Variants in ICE2 observed in about 807,000 individuals in gnomAD.
The protein encoded by ICE2 is interactor of little elongation complex ELL subunit 2.
In ICE2, 87 loss-of-function variants were observed where a neutral mutation model predicts 105.4. The observed-to-expected ratio is 0.83, with a 90% CI of 0.69 to 0.99. The LOEUF is 0.99. Among genes scored for constraint, ICE2 ranks in the 50% least tolerant of loss-of-function variants. ICE2 has a pLI of 0.00. For missense variants in ICE2, 1,323 were observed against 1,146.7 expected (o/e 1.15, Z -2.22); for synonymous variants, 399 against 392.0 (o/e 1.02, Z -0.21).
At chr15:60,470,651 T>C (rs1349508204) in intron 3 of ICE2, among the ~76,000 whole-genome samples, 3 of 152,216 alleles carry the variant, frequency 2.0e-5, no homozygotes, top group Non-Finnish European at 2.9e-5. Flanking sequence ...ATTTTTCCTA[T>C]GATTATTTTA....
In ICE2 at chr15:60,442,658, A is replaced by G. The variant is rs528350511; in HGVS notation, c.2296-113T>C. 3.9e-6 allele frequency: 3 copies of G among 761,802 alleles called. No individual in the cohort carries two copies. In the African/African-American group the frequency reaches 5.3e-5, roughly 13 times the overall value. The allele number at this position is 761,802 out of a possible 1,614,324, so 47.2% of individuals were successfully genotyped here. On this transcript the variant is annotated intron_variant, in intron 11 of 15. Transcript: ENST00000261520. ...AAATGCTTTCAGGTAATCTTATTTC[A>G]TCCTTTCAATTACAGCAGGATTCAC...
chr15:60,428,063 G>C (rs2063376001), intron 15 of ICE2, among the ~76,000 whole-genome samples: 1 of 151,848 alleles, frequency 6.6e-6, no homozygotes, highest in Non-Finnish European at 1.5e-5. Flanking sequence ...TCCGCAAATT[G>C]CCTAAAATAC....
In ICE2 at chr15:60,442,411, C is replaced by T. The variant is rs2063737563; in HGVS notation, c.2425+5G>A. On this transcript the variant is annotated splice_donor_5th_base_variant and intron_variant, in intron 12 of 15. Transcript: ENST00000261520. ...AAGGAGAATAAAGACTTTTGTATAA[C>T]TTACCAACATAAAATGAGCTGTTGG... 3 of 1,577,622 alleles carry T rather than the reference C, an allele frequency of 1.9e-6. No individual in the cohort carries two copies. Among genetic ancestry groups the T allele is most frequent in the Non-Finnish European group, 2.6e-6 (3 of 1,171,720 alleles).
chr15:60,466,713 C>A lies in ICE2; in HGVS notation c.409G>T (p.Asp137Tyr), dbSNP rs765404758. The stretch of plus-strand genomic sequence containing the variant: ...TCTTCGTTCACATGTTTTTTCATAT[C>A]CTGATTTTTAAAAAAGTAGACATGT... ...INKNDYLQYL[D>Y]MKKHVNEEVT... Residue 137 changes from aspartate (D) to tyrosine (Y), a missense_variant and splice_region_variant, in exon 5 of 16, where the codon GAT (aspartate) becomes TAT (tyrosine). Physicochemically the swap from Asp to Tyr is radical, Grantham distance 160. Coordinates refer to ENST00000261520, the MANE Select transcript of ICE2 (RefSeq NM_024611.6). 2.5e-6 allele frequency: 4 copies of A among 1,593,762 alleles called. No individual in the cohort carries two copies. The highest frequency in any genetic ancestry group is 3.4e-6 in the Non-Finnish European group (4 of 1,173,808).
chr15:60,432,249 G>A (rs985490465), intron 13 of ICE2, among the ~76,000 whole-genome samples: 26 of 144,202 alleles, frequency 1.8e-4, no homozygotes, highest in African/African-American at 3.7e-4. Context: ...GTGCAGTGGC[G>A]CAATCTCTGC....
intron 13 of ICE2, among the ~76,000 whole-genome samples, chr15:60,434,038 A>C (rs1279222714): frequency 6.6e-6 from 1 of 152,134 alleles, no homozygotes; most frequent in African/African-American, 2.4e-5. Flanking sequence ...ACCATTTCTT[A>C]CCCTAAGTGG....
In ICE2 at chr15:60,466,581, G is replaced by A; in HGVS notation, c.528+13C>T. On this transcript the variant is annotated intron_variant, in intron 5 of 15. Transcript: ENST00000261520. Reference sequence around the variant, plus strand: ...CACTTCGCAATTTACACAAATGTGAGTTGTTTTTTTACCTCTGTGAAGAGA... The same window carrying A: ...CACTTCGCAATTTACACAAATGTGAATTGTTTTTTTACCTCTGTGAAGAGA... The A allele has an allele frequency of 3.1e-6, 5 of 1,608,528 alleles. No individual in the cohort carries two copies. In the Admixed American group the frequency reaches 8.5e-5, roughly 27 times the overall value.
intron 1 of ICE2, chr15:60,478,741 C>T (rs1399955666): frequency 2.9e-6 from 1 of 348,860 alleles, no homozygotes; most frequent in East Asian, 7.8e-5. Context: ...ACACTTCGAC[C>T]CAGTGTGGAG....
At chr15:60,470,796 AATT>A (rs1371060151) in intron 3 of ICE2, among the ~76,000 whole-genome samples, 9 of 152,158 alleles carry the variant, frequency 5.9e-5, no homozygotes, top group African/African-American at 2.2e-4. Context: ...TTAAAAAATA[AATT>A]ATTTCACACT....
chr15:60,447,784 T>C, intron 11 of ICE2, 186 bp downstream of exon 11: 1 of 492,644 alleles, frequency 2.0e-6, no homozygotes, highest in Middle Eastern at 4.4e-4. Flanking sequence ...ATGGCTACTA[T>C]ATACAAACAC....
chr15:60,431,080 G>A (rs1419890251), intron 14 of ICE2, among the ~76,000 whole-genome samples: 1 of 151,974 alleles, frequency 6.6e-6, no homozygotes, highest in Non-Finnish European at 1.5e-5. Flanking sequence ...CACCATGTTG[G>A]CCAGGATGGT....
At position 60,454,032 on chromosome 15, in the gene ICE2, A is replaced by G. The variant is rs1401520682; in HGVS notation, c.944-248T>C. Among the ~76,000 whole-genome samples the G allele has an allele frequency of 2.0e-5, 3 of 152,188 alleles. No individual in the cohort carries two copies. The South Asian group carries it at 6.2e-4, about 31-fold the overall frequency. On this transcript the variant is annotated intron_variant, in intron 8 of 15. Transcript: ENST00000261520. Reference sequence around the variant, plus strand: ...GTTTAAAAAGGATTTTCTGGTTTTTACTATTATATTCTTACTGTCATTATT... The same window carrying G: ...GTTTAAAAAGGATTTTCTGGTTTTTGCTATTATATTCTTACTGTCATTATT...
Position 60,445,578 on chromosome 15 carries a change from T to G in ICE2, c.2295+2392A>C, listed in dbSNP as rs541331766. On this transcript the variant is annotated intron_variant, in intron 11 of 15. Coordinates refer to ENST00000261520, the MANE Select transcript of ICE2 (RefSeq NM_024611.6). ...AAATATAAGCCTTCTATTTAGACAG[T>G]CTTTAGGGTGTGACTATTTTGACAT... The G allele has an allele frequency of 1.7e-5, 16 of 962,840 alleles. 1 individual carries two copies. The South Asian group carries it at 6.8e-4, about 41-fold the overall frequency. The allele number at this position is 962,840 out of a possible 1,614,324, so 59.6% of individuals were successfully genotyped here. A position where few individuals can be genotyped will look rare whatever the true frequency, so the allele number is the denominator to read the frequency against.
intron 5 of ICE2, 44 bp from the exon 6 acceptor site, chr15:60,456,838 T>C: frequency 7.6e-7 from 1 of 1,310,008 alleles, no homozygotes; most frequent in Non-Finnish European, 1.0e-6. Flanking sequence ...ATTTCTCTAA[T>C]AATGCAAAAA....
chr15:60,463,502 G>A (rs1054059436), intron 5 of ICE2, among the ~76,000 whole-genome samples: 8 of 152,176 alleles, frequency 5.3e-5, no homozygotes, highest in South Asian at 2.1e-4. Context: ...GGCCAAGCAC[G>A]GTGGCTCACG....
intron 5 of ICE2, among the ~76,000 whole-genome samples, chr15:60,465,905 C>T (rs1205963775): frequency 6.6e-6 from 1 of 151,930 alleles, no homozygotes; most frequent in Non-Finnish European, 1.5e-5. Flanking sequence ...GCGCCCACCA[C>T]CACGACTGGC....
intron 13 of ICE2, among the ~76,000 whole-genome samples, chr15:60,434,878 T>C (rs1173523564): frequency 1.3e-5 from 2 of 152,192 alleles, no homozygotes; most frequent in African/African-American, 4.8e-5. Flanking sequence ...TATGTCCAAA[T>C]AGCTAGAAGG....
chr15:60,454,657 C>T (rs1420064510), intron 8 of ICE2: 1 of 170,810 alleles, frequency 5.9e-6, no homozygotes, highest in Non-Finnish European at 1.2e-5. Flanking sequence ...TATATTTAGA[C>T]AGCTGAAATG....
At chr15:60,443,525 T>C (rs2063762918) in intron 11 of ICE2, among the ~76,000 whole-genome samples, 1 of 152,246 alleles carries the variant, frequency 6.6e-6, no homozygotes, top group South Asian at 2.1e-4. Flanking sequence ...TTCATGTGAT[T>C]TGCCCTTGAA....
Sources: allele counts gnomAD v4.1 joint callset (sites outside exome capture counted in the v4.1 genomes callset), GRCh38; gene constraint gnomAD v4.1.1; transcripts MANE v1.5; gene names NCBI Gene and HGNC (gene_info 2026-07-23, HGNC 2026-07-21).